PHLPP1: variants seen among roughly 807,000 people sequenced by gnomAD.
PHLPP1 encodes the protein PH domain leucine-rich repeat-containing protein phosphatase 1.
A neutral mutation model predicts 117.2 loss-of-function variants in PHLPP1; 42 were observed. The observed-to-expected ratio is 0.36, with a 90% CI of 0.28 to 0.46. The LOEUF is 0.46. PHLPP1 is among the 20% of genes least tolerant of loss of function. The pLI, the probability that PHLPP1 is intolerant of heterozygous loss-of-function variation, is 1.00. For synonymous variants in PHLPP1, 1,042 were observed against 970.7 expected (o/e 1.07, Z -1.37); for missense variants, 2,084 against 2,241.9 (o/e 0.93, Z 1.42).
chr18:62,768,232 A>C (rs1186440161), intron 1 of PHLPP1, among the ~76,000 whole-genome samples: 1 of 152,222 alleles, frequency 6.6e-6, no homozygotes, highest in Non-Finnish European at 1.5e-5. Flanking sequence ...CTATGATTAG[A>C]GAAAAACAAA....
Position 62,716,994 on chromosome 18 carries a change from G to C in PHLPP1, c.1311G>C (p.Glu437Asp). The change falls in exon 1 of 17, where the codon GAG becomes GAC. Residue 437 changes from glutamate (E) to aspartate (D), a missense_variant. Around this residue, in one of 2 missense-constraint regions of PHLPP1, gnomAD observed 719 missense variants for 636.0 expected, o/e 1.13. Coordinates refer to ENST00000262719, the MANE Select transcript of PHLPP1 (RefSeq NM_194449.4). This position sits in a 1 kb window ranked among gnomAD's most constrained non-coding sequence, Gnocchi z 5.7. Reference protein sequence around the residue: ...GGAVREGSCEEKAAAAVAPGG... With the variant: ...GGAVREGSCEDKAAAAVAPGG... Reference sequence around the variant, plus strand: ...CCGTCCGCGAGGGGTCGTGCGAGGAGAAGGCAGCGGCAGCCGTGGCCCCGG... The same window carrying C: ...CCGTCCGCGAGGGGTCGTGCGAGGACAAGGCAGCGGCAGCCGTGGCCCCGG... The C allele has an allele frequency of 6.5e-7, 1 of 1,542,884 alleles. No individual in the cohort carries two copies. The highest frequency in any genetic ancestry group is 1.2e-5 in the South Asian group (1 of 83,880).
intron 6 of PHLPP1, among the ~76,000 whole-genome samples, chr18:62,897,506 G>C (rs1481336603): frequency 6.6e-6 from 1 of 152,064 alleles, no homozygotes; most frequent in East Asian, 1.9e-4. Context: ...TATTGTTTTT[G>C]TTTTTGCTTC....
chr18:62,854,340 C>T (rs1915440282), intron 3 of PHLPP1, among the ~76,000 whole-genome samples: 1 of 152,210 alleles, frequency 6.6e-6, no homozygotes, highest in African/African-American at 2.4e-5. Flanking sequence ...ATTAGGTGCT[C>T]ACTGGATGGC....
intron 1 of PHLPP1, among the ~76,000 whole-genome samples, chr18:62,752,518 G>A (rs1381528634): frequency 1.3e-5 from 2 of 152,184 alleles, no homozygotes; most frequent in African/African-American, 4.8e-5. Context: ...AGATAAAGAG[G>A]GGAACTAGAA....
At chr18:62,722,530 C>T (rs1214454083) in intron 1 of PHLPP1, among the ~76,000 whole-genome samples, 1 of 152,128 alleles carries the variant, frequency 6.6e-6, no homozygotes, top group African/African-American at 2.4e-5. Context: ...CTTCTAAACC[C>T]ATTCCATCCC....
intron 1 of PHLPP1, chr18:62,826,317 G>A (rs1347078133): frequency 1.3e-5 from 5 of 373,966 alleles, no homozygotes; most frequent in Admixed American, 3.6e-5. Flanking sequence ...TGACCTTGGG[G>A]AATGACTTAT....
At chr18:62,899,128 C>T (rs1333036119) in intron 6 of PHLPP1, among the ~76,000 whole-genome samples, 3 of 152,154 alleles carry the variant, frequency 2.0e-5, no homozygotes, top group Admixed American at 6.6e-5. Flanking sequence ...GTCAAACTTG[C>T]ACAGTGAGTT....
In PHLPP1 at chr18:62,862,129, G is replaced by C. The variant is rs571387405; in HGVS notation, c.2066+1528G>C. Among the ~76,000 whole-genome samples, 13 of 151,122 alleles carry C rather than the reference G, an allele frequency of 8.6e-5. No homozygotes were observed. The East Asian group carries it at 1.8e-3, about 20-fold the overall frequency. On this transcript the variant is annotated intron_variant, in intron 4 of 16. Transcript: ENST00000262719. ...GAGTCTCACTCTGTCGCCCAGGCTA[G>C]AGTGTGGTGGCACAATCTCGGCTCA...
chr18:62,846,043 A>G (rs1915170913), intron 3 of PHLPP1, among the ~76,000 whole-genome samples: 1 of 151,916 alleles, frequency 6.6e-6, no homozygotes, highest in Non-Finnish European at 1.5e-5. Context: ...GTCTCCACTA[A>G]AAATACAAAA....
In PHLPP1 at chr18:62,979,619, C is replaced by A; in HGVS notation, c.*188C>A. On this transcript the variant is annotated 3_prime_UTR_variant, in exon 17 of 17. Transcript: ENST00000262719. ...TTTTTTAAGTAATCACCACTTTCTT[C>A]TAGTGATGCTTTACCAATATGATTT... 1.6e-6 allele frequency: 1 copy of A among 614,194 alleles called. No individual in the cohort carries two copies. Among genetic ancestry groups the A allele is most frequent in the Non-Finnish European group, 2.8e-6 (1 of 352,560 alleles). The allele number at this position is 614,194 out of a possible 1,614,324, so 38.0% of individuals were successfully genotyped here.
At chr18:62,739,479 C>A (rs1911460654) in intron 1 of PHLPP1, among the ~76,000 whole-genome samples, 1 of 152,008 alleles carries the variant, frequency 6.6e-6, no homozygotes, top group South Asian at 2.1e-4. Context: ...GGTACATATA[C>A]AACAGTTCAT....
chr18:62,979,324 G>A lies in PHLPP1; in HGVS notation c.5047G>A (p.Glu1683Lys). ...CAAAGAAATCATGAAGCATCACCAG[G>A]AGCAACAGCAGCAGCAGCAGCCGCC... is the stretch of plus-strand genomic sequence containing the variant. ...EVKEIMKHHQ[E>K]QQQQQQPPPP... Residue 1683 changes from glutamate (E) to lysine (K), a missense_variant, in exon 17 of 17, where the codon GAG becomes AAG. Glu to Lys is a moderately conservative substitution (Grantham distance 56). Around this residue, in one of 2 missense-constraint regions of PHLPP1, gnomAD observed 1,365 missense variants for 1,605.9 expected, o/e 0.85. Transcript: ENST00000262719. The A allele has an allele frequency of 4.5e-6, 7 of 1,552,930 alleles. No homozygotes were observed. Among genetic ancestry groups the A allele is most frequent in the Non-Finnish European group, 6.1e-6 (7 of 1,147,608 alleles).
chr18:62,782,834 A>G (rs1275325095), intron 1 of PHLPP1, among the ~76,000 whole-genome samples: 1 of 152,106 alleles, frequency 6.6e-6, no homozygotes, highest in Non-Finnish European at 1.5e-5. Context: ...TGCAGTGGTA[A>G]TTTTTGACAG....
chr18:62,726,328 T>G (rs1429950383), intron 1 of PHLPP1, among the ~76,000 whole-genome samples: 1 of 152,004 alleles, frequency 6.6e-6, no homozygotes, highest in Non-Finnish European at 1.5e-5. Flanking sequence ...CTGCTTTTTT[T>G]TTTTGGGGGG....
intron 10 of PHLPP1, among the ~76,000 whole-genome samples, chr18:62,920,907 C>A (rs1288086991): frequency 6.6e-6 from 1 of 152,118 alleles, no homozygotes; most frequent in African/African-American, 2.4e-5. Context: ...ATAATTAATT[C>A]CACATTCAAT....
Position 62,938,642 on chromosome 18 carries a change from A to G in PHLPP1, c.2961-3076A>G, listed in dbSNP as rs970152333. Among the ~76,000 whole-genome samples the G allele has an allele frequency of 2.6e-5, 4 of 152,180 alleles. 1 individual carries two copies. Among genetic ancestry groups the G allele is most frequent in the African/African-American group, 4.8e-5 (2 of 41,436 alleles). On this transcript the variant is annotated intron_variant, in intron 10 of 16. Transcript: ENST00000262719. ...TTTGGAACCACTTCATGTGGTTTCA[A>G]CTAACTAGTTTCATTTCTTGGAGGT...
chr18:62,716,654 G>T lies in PHLPP1; in HGVS notation c.971G>T (p.Ser324Ile). ...RRASPAPSDSSPGEPFVGGPV... is the reference protein window; with the variant it reads ...RRASPAPSDSIPGEPFVGGPV... ...GCCAGCCCAGCGCCCTCGGACTCCAGCCCCGGCGAGCCGTTCGTTGGGGGC... is the reference window on the plus strand; with the variant it reads ...GCCAGCCCAGCGCCCTCGGACTCCATCCCCGGCGAGCCGTTCGTTGGGGGC... Residue 324 changes from serine to isoleucine, a missense_variant, in exon 1 of 17, where the codon AGC becomes ATC. Transcript: ENST00000262719. The surrounding 1 kb of genome is among the most constrained non-coding windows in gnomAD (Gnocchi z 5.7). 1 of 1,429,296 alleles carries T rather than the reference G, an allele frequency of 7.0e-7. No individual in the cohort carries two copies. Among genetic ancestry groups the T allele is most frequent in the Non-Finnish European group, 9.1e-7 (1 of 1,093,320 alleles). The allele number at this position is 1,429,296 out of a possible 1,614,324, so 88.5% of individuals were successfully genotyped here.
At chr18:62,815,691 G>C (rs980633185) in intron 1 of PHLPP1, among the ~76,000 whole-genome samples, 6 of 152,228 alleles carry the variant, frequency 3.9e-5, no homozygotes, top group Admixed American at 2.0e-4. Context: ...AGCTGCTGCT[G>C]TCACTTCTTC....
chr18:62,766,076 A>AAAAAAATATATAT, intron 1 of PHLPP1, among the ~76,000 whole-genome samples: 14 of 21,662 alleles, frequency 6.5e-4, no homozygotes, highest in East Asian at 3.3e-3. Context: ...AAAAAAAAAA[A>AAAAAAATATATAT]ATATATATAT....
Sources: gnomAD v4.1 joint callset for allele counts (sites outside exome capture counted in the v4.1 genomes callset) on GRCh38, gnomAD v4.1.1 for gene constraint, gnomAD v4.1.1 regional missense constraint, Gnocchi (gnomAD v3.1) non-coding constraint, MANE v1.5 for transcripts, NCBI Gene and HGNC (gene_info 2026-07-23, HGNC 2026-07-21) for gene names.